Variants in GSK3B observed in about 807,000 individuals in gnomAD.
GSK3B encodes the protein glycogen synthase kinase-3 beta.
GSK3B carries 15 observed loss-of-function variants against 56.4 expected under a neutral mutation model. The observed-to-expected ratio is 0.27, with a 90% CI of 0.18 to 0.41. GSK3B has a LOEUF of 0.41. GSK3B is among the 10% of genes least tolerant of loss of function. The pLI is 1.00. For missense variants in GSK3B, 300 were observed against 513.4 expected (o/e 0.58, Z 4.02); for synonymous variants, 181 against 188.9 (o/e 0.96, Z 0.34).
intron 3 of GSK3B, among the ~76,000 whole-genome samples, chr3:119,924,432 T>C (rs2056871752): frequency 6.6e-6 from 1 of 152,206 alleles, no homozygotes; most frequent in Admixed American, 6.5e-5. Context: ...AGAATTTCAA[T>C]TTTCAGCATT....
At chr3:119,826,977 T>C (rs979282302) in intron 10 of GSK3B, 122 bp from the exon 11 acceptor site, 26 of 652,480 alleles carry the variant, frequency 4.0e-5, no homozygotes, top group African/African-American at 3.8e-4. Context: ...ATTTGGAACG[T>C]TGTTTTAAAT....
intron 3 of GSK3B, among the ~76,000 whole-genome samples, chr3:119,943,838 T>C (rs917946517): frequency 3.4e-5 from 5 of 148,572 alleles, no homozygotes; most frequent in Non-Finnish European, 7.4e-5. Flanking sequence ...GAAAGAGTTA[T>C]ATGGAGGGAA....
chr3:119,863,330 C>T (rs2056132720), intron 9 of GSK3B, 89 bp downstream of exon 9: 1 of 1,056,020 alleles, frequency 9.5e-7, no homozygotes, highest in Non-Finnish European at 1.4e-6. Context: ...CGTTTTTGTC[C>T]TCCACAGATT....
intron 9 of GSK3B, among the ~76,000 whole-genome samples, chr3:119,852,565 C>T (rs1210723303): frequency 6.6e-6 from 1 of 152,058 alleles, no homozygotes; most frequent in African/African-American, 2.4e-5. Flanking sequence ...CCAGGCTGGT[C>T]TCGAACTCTT....
rs1049624534 is a variant in GSK3B, at chr3:119,969,332, G to C, written c.283-21981C>G. ...TCTATATGATGAAAACTATAAAACT[G>C]TTACCAAAAAAGTCAAGGAAGGTCT... On this transcript the variant is annotated intron_variant, in intron 2 of 10. Transcript: ENST00000264235. Among the ~76,000 whole-genome samples, 15 of 151,460 alleles carry C rather than the reference G, an allele frequency of 9.9e-5. No homozygotes were observed. In the South Asian group the frequency reaches 3.1e-3, roughly 32 times the overall value.
At chr3:120,082,385 CTTTTTTTTTTTT>C (rs1173737285) in intron 1 of GSK3B, among the ~76,000 whole-genome samples, 1,991 of 66,420 alleles carry the variant, frequency 0.03, 56 homozygotes, top group African/African-American at 0.093. Flanking sequence ...TTAGTATGTT[CTTTTTTTTTTTT>C]TTTTTTTTTT....
chr3:119,956,701 A>G (rs1306201607), intron 2 of GSK3B, among the ~76,000 whole-genome samples: 2 of 152,206 alleles, frequency 1.3e-5, no homozygotes, highest in Admixed American at 1.3e-4. Flanking sequence ...TAGACAGTGG[A>G]GTAACGTAAG....
intron 2 of GSK3B, among the ~76,000 whole-genome samples, chr3:119,968,046 G>A (rs551754370): frequency 2.6e-5 from 4 of 152,094 alleles, no homozygotes; most frequent in East Asian, 1.9e-4. Flanking sequence ...TAGTAGGGAC[G>A]GGGTTTCACC....
chr3:120,006,027 G>C (rs1392288590), intron 1 of GSK3B, among the ~76,000 whole-genome samples: 1 of 152,034 alleles, frequency 6.6e-6, no homozygotes, highest in Non-Finnish European at 1.5e-5. Flanking sequence ...GTATTCAGGA[G>C]ACCCATCTCA....
intron 3 of GSK3B, among the ~76,000 whole-genome samples, chr3:119,930,398 G>A (rs1425252670): frequency 6.6e-6 from 1 of 151,658 alleles, no homozygotes; most frequent in Non-Finnish European, 1.5e-5. Flanking sequence ...CTAACTACAA[G>A]CATTCTAGTT....
At chr3:119,935,094 A>G (rs2107478607) in intron 3 of GSK3B, among the ~76,000 whole-genome samples, 1 of 152,274 alleles carries the variant, frequency 6.6e-6, no homozygotes. Flanking sequence ...GGAGGTCCTG[A>G]TAATTCAAAC....
rs1205679182 is a variant in GSK3B, at chr3:120,093,174, G to A, written c.88+173C>T. ...ATTCAAGGTTAATGAGACCGGGGGAGGGGGTATGGGAGGAGTAAAAAGGGA... is the reference window on the plus strand; with the variant it reads ...ATTCAAGGTTAATGAGACCGGGGGAAGGGGTATGGGAGGAGTAAAAAGGGA... On this transcript the variant is annotated intron_variant, in intron 1 of 10. Coordinates refer to ENST00000264235, the MANE Select transcript of GSK3B (RefSeq NM_001146156.2). Among the ~76,000 whole-genome samples, 8 of 152,166 alleles carry A rather than the reference G, an allele frequency of 5.3e-5. No individual in the cohort carries two copies. In the East Asian group the frequency reaches 5.8e-4, roughly 11 times the overall value.
chr3:119,900,242 A>G (rs1299246078), intron 7 of GSK3B, among the ~76,000 whole-genome samples: 1 of 152,100 alleles, frequency 6.6e-6, no homozygotes, highest in Non-Finnish European at 1.5e-5. Context: ...AAAACTATGA[A>G]AGCTATACTG....
At chr3:119,831,799 T>C (rs115200522) in intron 10 of GSK3B, among the ~76,000 whole-genome samples, 5 of 152,170 alleles carry the variant, frequency 3.3e-5, no homozygotes, top group Non-Finnish European at 7.4e-5. Flanking sequence ...TCACTGACTT[T>C]GAAGCTTCCT....
chr3:119,965,678 A>G (rs2057312482), intron 2 of GSK3B, among the ~76,000 whole-genome samples: 1 of 152,220 alleles, frequency 6.6e-6, no homozygotes, highest in Non-Finnish European at 1.5e-5. Context: ...AAGAAACCCT[A>G]GTACTGGTAG....
At chr3:120,034,421 T>C (rs2058005134) in intron 1 of GSK3B, among the ~76,000 whole-genome samples, 1 of 152,214 alleles carries the variant, frequency 6.6e-6, no homozygotes, top group Non-Finnish European at 1.5e-5. Flanking sequence ...AGGTAGGAGT[T>C]AAACTTCATT....
intron 2 of GSK3B, among the ~76,000 whole-genome samples, chr3:119,949,860 C>A (rs1163473565): frequency 6.9e-6 from 1 of 144,118 alleles, no homozygotes; most frequent in Non-Finnish European, 1.5e-5. Context: ...AAAAGTAGAT[C>A]AAGAGTTTCG....
At chr3:119,970,962 T>A (rs1021024615) in intron 2 of GSK3B, among the ~76,000 whole-genome samples, 1 of 152,222 alleles carries the variant, frequency 6.6e-6, no homozygotes, top group Non-Finnish European at 1.5e-5. Flanking sequence ...CTTAAACAAT[T>A]AGAATATCTC....
At chr3:119,861,467 T>C (rs1398940935) in intron 9 of GSK3B, among the ~76,000 whole-genome samples, 1 of 149,592 alleles carries the variant, frequency 6.7e-6, no homozygotes, top group African/African-American at 2.5e-5. Context: ...GCCGGTATCA[T>C]GCCACTGCAC....
Sources: gnomAD v4.1 joint callset for allele counts (sites outside exome capture counted in the v4.1 genomes callset) on GRCh38, gnomAD v4.1.1 for gene constraint, MANE v1.5 for transcripts, NCBI Gene and HGNC (gene_info 2026-07-23, HGNC 2026-07-21) for gene names.